PLEKHG5: variants seen among roughly 807,000 people sequenced by gnomAD.
PLEKHG5 encodes the protein pleckstrin homology and RhoGEF domain containing G5.
PLEKHG5 carries 52 observed loss-of-function variants against 103.8 expected under a neutral mutation model. The ratio of observed to expected loss-of-function variants is 0.50; its 90% CI spans 0.40 to 0.63. The LOEUF (loss-of-function observed/expected upper bound fraction) is 0.63, where lower values mean the gene tolerates loss of function less well. Ranked by LOEUF, PLEKHG5 falls within the 30% of genes least tolerant of loss-of-function variation. The pLI is 0.00. For missense variants in PLEKHG5, 1,205 were observed against 1,347.6 expected, an observed-to-expected ratio of 0.89 and a Z score of 1.66; for synonymous variants, 592 against 575.5, an observed-to-expected ratio of 1.03 and a Z score of -0.41.
At chr1:6,514,358 G>A (rs7517959) in intron 1 of PLEKHG5, among the ~76,000 whole-genome samples, 23,610 of 151,812 alleles carry the variant, frequency 0.16, 2,280 homozygotes, top group African/African-American at 0.26. Context: ...AGGAGGCTAC[G>A]GAAGAGGATG....
chr1:6,518,145 G>A (rs1447893297), intron 1 of PLEKHG5, among the ~76,000 whole-genome samples: 5 of 151,496 alleles, frequency 3.3e-5, no homozygotes, highest in Admixed American at 1.3e-4. Flanking sequence ...TGTTAGCCAG[G>A]ATGGTCTTGA....
chr1:6,470,620 G>A lies in PLEKHG5; in HGVS notation c.1566C>T (p.Ile522=), dbSNP rs771412597. The part of the protein sequence containing the change: ...VAMIGSVERF[I]HHVNACMRQR... ...GCCGCATGCACGCGTTCACGTGGTG[G>A]ATGAAGCGCTCCACGGAGCCGATCT... Residue 522 remains isoleucine (I), a synonymous_variant, in exon 15 of 21, where the codon ATC becomes ATT. Transcript: ENST00000377728. 1 of 1,588,508 alleles carries A rather than the reference G, an allele frequency of 6.3e-7. No individual in the cohort carries two copies. Among genetic ancestry groups the A allele is most frequent in the East Asian group, 2.3e-5 (1 of 43,548 alleles).
chr1:6,515,699 G>A (rs1347612715), intron 1 of PLEKHG5, among the ~76,000 whole-genome samples: 1 of 152,038 alleles, frequency 6.6e-6, no homozygotes, highest in East Asian at 1.9e-4. Context: ...CTATGTAAGA[G>A]GGTCTTTAGA....
In PLEKHG5 at chr1:6,471,585, C is replaced by T. The variant is rs779612506; in HGVS notation, c.1184G>A (p.Arg395His). The T allele has an allele frequency of 6.9e-6, 11 of 1,599,728 alleles. No homozygotes were observed. The highest frequency in any genetic ancestry group is 3.5e-5 in the Admixed American group (2 of 57,836). Residue 395 changes from arginine to histidine, a missense_variant, in exon 12 of 21, where the codon CGC becomes CAC. Transcript: ENST00000377728. ...SNIPEIAQLH[R>H]RLWASVMAPV... The stretch of plus-strand genomic sequence containing the variant: ...CGCCATCACGCTAGCCCACAGCCTG[C>T]GGTGCAGCTGCGCGATCTCCGGGAT...
chr1:6,467,608 C>T (rs767569240), intron 20 of PLEKHG5, 36 bp from the exon 21 acceptor site: 21 of 1,610,348 alleles, frequency 1.3e-5, no homozygotes, highest in Non-Finnish European at 1.6e-5. Flanking sequence ...CCTTCTTTGG[C>T]TGACGCCATT....
In PLEKHG5 at chr1:6,473,060, C is replaced by G. The variant is rs1325284983; in HGVS notation, c.910G>C (p.Asp304His). The G allele has an allele frequency of 6.2e-7, 1 of 1,613,936 alleles. No individual in the cohort carries two copies. Among genetic ancestry groups the G allele is most frequent in the Non-Finnish European group, 8.5e-7 (1 of 1,179,888 alleles). The change falls in exon 9 of 21, where the codon GAT becomes CAT. Residue 304 changes from aspartate (D) to histidine (H), a missense_variant. Coordinates refer to ENST00000377728, the MANE Select transcript of PLEKHG5 (RefSeq NM_020631.6). ...GCATTGTCCTCATCCTCGTCTTCAT[C>G]GTACTCCTCCTCCCAGGAGTCATGG... The part of the protein sequence containing the change: ...FDHDSWEEEY[D>H]EDEDEDNACL...
At chr1:6,513,867 G>T (rs1473218998) in intron 1 of PLEKHG5, among the ~76,000 whole-genome samples, 1 of 152,184 alleles carries the variant, frequency 6.6e-6, no homozygotes, top group Non-Finnish European at 1.5e-5. Flanking sequence ...GCCCTTCCCC[G>T]CTAAGCCCAG....
intron 7 of PLEKHG5, 37 bp downstream of exon 7, chr1:6,473,976 T>TGCCCCC: frequency 8.6e-5 from 109 of 1,265,428 alleles, no homozygotes; most frequent in Middle Eastern, 2.7e-4. Context: ...CTGGGCCCCT[T>TGCCCCC]CCCACCCCCT....
chr1:6,473,970 GCCCCTTCCCACCCCCT>G, intron 7 of PLEKHG5, 27 bp downstream of exon 7: 1 of 1,479,344 alleles, frequency 6.8e-7, no homozygotes, highest in African/African-American at 1.4e-5. Context: ...CCCAGCCTGG[GCCCCTTCCCACCCCCT>G]CCCCTGACAC....
chr1:6,503,574 A>T (rs923850281), intron 1 of PLEKHG5, among the ~76,000 whole-genome samples: 12 of 151,888 alleles, frequency 7.9e-5, no homozygotes, highest in African/African-American at 2.7e-4. Flanking sequence ...TGCCTGGCTA[A>T]TTTTTTGTAT....
chr1:6,485,724 G>T, intron 1 of PLEKHG5: 1 of 230,184 alleles, frequency 4.3e-6, no homozygotes, highest in East Asian at 1.1e-4. Flanking sequence ...GCCCAGACCC[G>T]GGGACTCCAC....
Position 6,469,137 on chromosome 1 carries a change from C to CTCCTCCTCCTCTTCCTCCTCCTGCTCA in PLEKHG5, c.2127_2153dup (p.Asp709_Glu717dup), listed in dbSNP as rs1569841307. The CTCCTCCTCCTCTTCCTCCTCCTGCTCA allele has an allele frequency of 1.2e-6, 2 of 1,612,518 alleles. No individual in the cohort carries two copies. The highest frequency in any genetic ancestry group is 4.5e-5 in the East Asian group (2 of 44,874). The stretch of plus-strand genomic sequence containing the variant: ...TGTCCTCGCCTTCCTCCTCCTCCTC[C>CTCCTCCTCCTCTTCCTCCTCCTGCTCA]TCCTCCTCCTCTTCCTCCTCCTGCT... On this transcript the variant is annotated inframe_insertion, in exon 19 of 21. Transcript: ENST00000377728.
upstream of PLEKHG5, chr1:6,497,239 G>A (rs1645240386): frequency 1.1e-6 from 1 of 869,876 alleles, no homozygotes; most frequent in East Asian, 2.7e-5. The surrounding 1 kb of genome is among the most constrained non-coding windows in gnomAD (Gnocchi z 6.1). Flanking sequence ...CCTGGAGCGG[G>A]CCCTCCCCGG....
chr1:6,506,758 C>G (rs1638336037), intron 1 of PLEKHG5, among the ~76,000 whole-genome samples: 1 of 152,252 alleles, frequency 6.6e-6, no homozygotes, highest in Admixed American at 6.5e-5. Context: ...CAGAGGCCCC[C>G]CAGCAGGGCA....
chr1:6,469,604 T>C lies in PLEKHG5; in HGVS notation c.1873A>G (p.Arg625Gly). 13 of 1,613,844 alleles carry C rather than the reference T, an allele frequency of 8.1e-6. No homozygotes were observed. The highest frequency in any genetic ancestry group is 1.1e-5 in the Non-Finnish European group (13 of 1,180,022). ...ACGAGCAGGGGTGGCCTGATGACCC[T>C]GGTCCTCTCTGCCTTCTTCACTGCT... Reference protein sequence around the residue: ...TKAVKKAERTRVIRPPLLVDK... With the variant: ...TKAVKKAERTGVIRPPLLVDK... The change falls in exon 17 of 21, where the codon AGG becomes GGG. Residue 625 changes from arginine (R) to glycine (G), a missense_variant. Arg to Gly is a moderately radical substitution (Grantham distance 125). Coordinates refer to ENST00000377728, the MANE Select transcript of PLEKHG5 (RefSeq NM_020631.6).
rs749015188 is a variant in PLEKHG5, at chr1:6,467,950, C to A, written c.2886G>T (p.Ser962=). The change falls in exon 20 of 21, where the codon TCG becomes TCT. Residue 962 remains serine, a synonymous_variant. Coordinates refer to ENST00000377728, the MANE Select transcript of PLEKHG5 (RefSeq NM_020631.6). ...CAGGCTGGACCCTGGGAGAGGCCCCCGAGGGCAGGTCTCCACACCTCTTCC... is the reference window on the plus strand; with the variant it reads ...CAGGCTGGACCCTGGGAGAGGCCCCAGAGGGCAGGTCTCCACACCTCTTCC... The part of the protein sequence containing the change: ...SHRKRCGDLP[S]GASPRVQPEP... The A allele has an allele frequency of 1.3e-6, 2 of 1,572,550 alleles. No individual in the cohort carries two copies. Among genetic ancestry groups the A allele is most frequent in the African/African-American group, 1.4e-5 (1 of 73,790 alleles).
chr1:6,516,158 C>T lies in PLEKHG5; in HGVS notation c.-165+3287G>A, dbSNP rs537130984. 7.5e-4 allele frequency among the ~76,000 whole-genome samples: 114 copies of T among 152,216 alleles called. 1 individual carries two copies. Among genetic ancestry groups the T allele is most frequent in the African/African-American group, 2.6e-3 (109 of 41,512 alleles). ...AAGAATGAAAAACTGGGCTGGGCTT[C>T]GTGGCACACACCCAGCTATTCAGGA... On this transcript the variant is annotated intron_variant, in intron 1 of 21. Coordinates refer to the PLEKHG5 transcript ENST00000377740.
chr1:6,491,902 G>C (rs1454507647), upstream of PLEKHG5, among the ~76,000 whole-genome samples: 1 of 152,198 alleles, frequency 6.6e-6, no homozygotes, highest in African/African-American at 2.4e-5. The surrounding 1 kb of genome is among the most constrained non-coding windows in gnomAD (Gnocchi z 4.1). Flanking sequence ...GATAGCTCCA[G>C]CTGCTGGAAA....
chr1:6,474,043 G>T lies in PLEKHG5; in HGVS notation c.561C>A (p.Ala187=). ...TGPPALERVD[A]QSRRESLDIL... is the part of the protein sequence containing the mutation. ...TGTCCAGGCTCTCCCGGCGGCTCTG[G>T]GCGTCCACACGCTCCAGGGCGGGGG... The change falls in exon 7 of 21, where the codon GCC becomes GCA. Residue 187 remains alanine, a synonymous_variant. Coordinates refer to ENST00000377728, the MANE Select transcript of PLEKHG5 (RefSeq NM_020631.6). 1 of 1,610,090 alleles carries T rather than the reference G, an allele frequency of 6.2e-7. No homozygotes were observed.
Sources: allele counts gnomAD v4.1 joint callset (sites outside exome capture counted in the v4.1 genomes callset), GRCh38; gene constraint gnomAD v4.1.1; non-coding constraint Gnocchi (gnomAD v3.1); transcripts MANE v1.5; gene names NCBI Gene and HGNC (gene_info 2026-07-23, HGNC 2026-07-21).